Variants in RBM20 observed in about 807,000 individuals in gnomAD.
RBM20 encodes RNA-binding protein 20.
Under a neutral mutation model 110.1 loss-of-function variants are expected in RBM20, and 51 were observed. The ratio of observed to expected loss-of-function variants is 0.46; its 90% CI spans 0.37 to 0.59. The LOEUF is 0.59. Ranked by LOEUF, RBM20 falls within the 20% of genes least tolerant of loss-of-function variation. The pLI, the probability that RBM20 is intolerant of heterozygous loss-of-function variation, is 0.00. For synonymous variants in RBM20, 589 were observed against 618.2 expected (o/e 0.95, Z 0.70); for missense variants, 1,512 against 1,574.9 (o/e 0.96, Z 0.68).
chr10:110,786,813 T>C (rs569974340), intron 5 of RBM20, among the ~76,000 whole-genome samples: 1 of 152,098 alleles, frequency 6.6e-6, no homozygotes, highest in East Asian at 1.9e-4. Flanking sequence ...GTGACCACGA[T>C]GGGGGAGGCT....
intron 1 of RBM20, among the ~76,000 whole-genome samples, chr10:110,743,642 C>T (rs1243072669): frequency 2.0e-5 from 3 of 151,994 alleles, no homozygotes; most frequent in Non-Finnish European, 2.9e-5. Context: ...TTTGAGGTGG[C>T]ATCTTGCTCT....
intron 1 of RBM20, among the ~76,000 whole-genome samples, chr10:110,777,526 T>A (rs1188643544): frequency 6.6e-6 from 1 of 152,216 alleles, no homozygotes; most frequent in Non-Finnish European, 1.5e-5. Context: ...TTGACTAAAG[T>A]TGGGAATGAT....
In RBM20 at chr10:110,784,879, TG is replaced by T; in HGVS notation, c.1521del (p.Thr508GlnfsTer44). The T allele has an allele frequency of 6.5e-7, 1 of 1,528,486 alleles. No individual in the cohort carries two copies. The highest frequency in any genetic ancestry group is 1.2e-5 in the South Asian group (1 of 82,590). The allele number at this position is 1,528,486 out of a possible 1,614,324, so 94.7% of individuals were successfully genotyped here. ...QSSPTFPLAS[V>X]GTTFAQRKGA... ...AGCCCCACATTTCCTTTGGCTTCTG[TG>T]GGGACAACTGTGAGTACGGAAACAT... On this transcript the variant is annotated frameshift_variant, in exon 5 of 14. Coordinates refer to ENST00000369519, the MANE Select transcript of RBM20 (RefSeq NM_001134363.3). LOFTEE classifies it high-confidence loss of function.
At chr10:110,671,753 A>C (rs1214639410) in intron 1 of RBM20, among the ~76,000 whole-genome samples, 1 of 151,312 alleles carries the variant, frequency 6.6e-6, no homozygotes, top group East Asian at 1.9e-4. Flanking sequence ...ATATATATGT[A>C]TATATATCGA....
At chr10:110,786,149 C>T (rs2135053337) in intron 5 of RBM20, among the ~76,000 whole-genome samples, 2 of 152,344 alleles carry the variant, frequency 1.3e-5, no homozygotes, top group East Asian at 3.9e-4. Flanking sequence ...CTCTTCTTCT[C>T]CTCTGGGCAG....
At chr10:110,781,913 A>G in intron 2 of RBM20, 29 bp downstream of exon 2, 1 of 1,551,562 alleles carries the variant, frequency 6.4e-7, no homozygotes, top group Non-Finnish European at 8.7e-7. Flanking sequence ...GCTGGGAGCC[A>G]CAGCTAGAAG....
intron 1 of RBM20, among the ~76,000 whole-genome samples, chr10:110,687,316 A>G (rs1400103484): frequency 6.6e-6 from 1 of 152,250 alleles, no homozygotes; most frequent in Non-Finnish European, 1.5e-5. Flanking sequence ...TGCTGAGTCC[A>G]ATCAATGTGA....
chr10:110,818,765 G>A (rs921915460), intron 9 of RBM20, among the ~76,000 whole-genome samples: 1 of 152,322 alleles, frequency 6.6e-6, no homozygotes, highest in Non-Finnish European at 1.5e-5. Context: ...GCTTGGGAAG[G>A]GTAAGGATTA....
intron 12 of RBM20, among the ~76,000 whole-genome samples, chr10:110,829,972 C>T (rs1845028666): frequency 6.6e-6 from 1 of 152,232 alleles, no homozygotes; most frequent in Admixed American, 6.5e-5. Flanking sequence ...TTCTTAGTTC[C>T]CTGATGGGTC....
intron 1 of RBM20, among the ~76,000 whole-genome samples, chr10:110,681,438 G>A (rs1259539482): frequency 6.6e-6 from 1 of 152,180 alleles, no homozygotes; most frequent in Non-Finnish European, 1.5e-5. Flanking sequence ...ATTTGTAAAG[G>A]CAGTATTGGT....
chr10:110,801,631 T>A (rs1329638487), intron 7 of RBM20, among the ~76,000 whole-genome samples: 4 of 151,434 alleles, frequency 2.6e-5, no homozygotes, highest in African/African-American at 9.7e-5. Flanking sequence ...ACCTCCCAGG[T>A]TCAAGCAATT....
At chr10:110,772,449 C>A (rs550922859) in intron 1 of RBM20, among the ~76,000 whole-genome samples, 1 of 152,328 alleles carries the variant, frequency 6.6e-6, no homozygotes, top group African/African-American at 2.4e-5. Flanking sequence ...ATGGCATATA[C>A]AATGGTGGTC....
chr10:110,807,383 C>A (rs1412565903), intron 7 of RBM20, among the ~76,000 whole-genome samples: 1 of 152,208 alleles, frequency 6.6e-6, no homozygotes, highest in African/African-American at 2.4e-5. Context: ...TAAGCTCACT[C>A]TAACTGCACC....
intron 1 of RBM20, among the ~76,000 whole-genome samples, chr10:110,664,716 T>C (rs1439953317): frequency 6.6e-6 from 1 of 152,076 alleles, no homozygotes; most frequent in East Asian, 1.9e-4. Context: ...CACTGCACTT[T>C]AGCCTGGGCA....
At chr10:110,707,420 A>C (rs1862858011) in intron 1 of RBM20, among the ~76,000 whole-genome samples, 1 of 152,250 alleles carries the variant, frequency 6.6e-6, no homozygotes, top group Admixed American at 6.5e-5. Context: ...GATCAAGCTA[A>C]AATACACTTT....
At chr10:110,657,386 A>G (rs1862041228) in intron 1 of RBM20, among the ~76,000 whole-genome samples, 1 of 151,028 alleles carries the variant, frequency 6.6e-6, no homozygotes, top group Middle Eastern at 3.4e-3. Flanking sequence ...TTTGATTTGT[A>G]TTTCAGTAAT....
intron 1 of RBM20, among the ~76,000 whole-genome samples, chr10:110,743,925 T>G (rs1268134072): frequency 6.6e-6 from 1 of 152,154 alleles, no homozygotes; most frequent in African/African-American, 2.4e-5. Context: ...TGTCCTTTTA[T>G]TTTTATTTGG....
At chr10:110,783,667 G>A (rs1454298580) in intron 3 of RBM20, among the ~76,000 whole-genome samples, 9 of 152,330 alleles carry the variant, frequency 5.9e-5, no homozygotes, top group South Asian at 2.1e-4. Context: ...GGCAGAGGCC[G>A]GAAGTGCGTG....
At chr10:110,786,778 C>A (rs1844424116) in intron 5 of RBM20, among the ~76,000 whole-genome samples, 1 of 152,256 alleles carries the variant, frequency 6.6e-6, no homozygotes, top group African/African-American at 2.4e-5. Flanking sequence ...TGAGACCCCA[C>A]TCCAGGCACT....
Sources: gnomAD v4.1 joint callset for allele counts (sites outside exome capture counted in the v4.1 genomes callset) on GRCh38, gnomAD v4.1.1 for gene constraint, MANE v1.5 for transcripts, NCBI Gene and HGNC (gene_info 2026-07-23, HGNC 2026-07-21) for gene names.